The following VPS13A variants were observed in gnomAD, a reference collection of about 807,000 sequenced individuals.
VPS13A encodes vacuolar protein sorting 13 homolog A, also known as intermembrane lipid transfer protein VPS13A.
Under a neutral mutation model 390.9 loss-of-function variants are expected in VPS13A, and 264 were observed. The observed-to-expected ratio is 0.68, with a 90% CI of 0.61 to 0.75. The LOEUF is 0.75. Among genes scored for constraint, VPS13A ranks in the 30% least tolerant of loss-of-function variants. The pLI is 0.00. For synonymous variants in VPS13A, 1,231 were observed against 1,227.1 expected (o/e 1.00, Z -0.07); for missense variants, 3,409 against 3,733.9 (o/e 0.91, Z 2.27).
At chr9:77,213,155 A>G (rs1826066432) in intron 8 of VPS13A, 79 bp from the exon 9 acceptor site, 7 of 1,538,130 alleles carry the variant, frequency 4.6e-6, no homozygotes, top group Non-Finnish European at 6.3e-6. Context: ...GGCTCACTTA[A>G]TTATTTGAGA....
intron 68 of VPS13A, chr9:77,384,942 G>T: frequency 8.2e-7 from 1 of 1,214,522 alleles, no homozygotes; most frequent in South Asian, 2.3e-5. Flanking sequence ...TGCATAGTTT[G>T]TCTTTAAGAG....
At chr9:77,188,348 C>T (rs1824471381) in intron 1 of VPS13A, among the ~76,000 whole-genome samples, 1 of 152,188 alleles carries the variant, frequency 6.6e-6, no homozygotes, top group Non-Finnish European at 1.5e-5. Flanking sequence ...TTAACTCCGT[C>T]TTGTGAGAAT....
intron 35 of VPS13A, among the ~76,000 whole-genome samples, chr9:77,309,441 A>G (rs7040559): frequency 0.013 from 1,905 of 152,284 alleles, 40 homozygotes; most frequent in African/African-American, 0.044. Context: ...TGCAGGGAAT[A>G]TGTTCCAAGA....
At chr9:77,303,809 C>T (rs1208760484) in intron 34 of VPS13A, among the ~76,000 whole-genome samples, 2 of 152,174 alleles carry the variant, frequency 1.3e-5, no homozygotes, top group African/African-American at 2.4e-5. Flanking sequence ...AATAACAAAG[C>T]AGCATTACTG....
intron 31 of VPS13A, among the ~76,000 whole-genome samples, chr9:77,284,764 C>T (rs138317379): frequency 7.8e-4 from 118 of 151,764 alleles, no homozygotes; most frequent in African/African-American, 1.9e-3. Flanking sequence ...AGTGCAGTGG[C>T]GCAGTCTTGG....
At chr9:77,186,000 C>T (rs1202633882) in intron 1 of VPS13A, among the ~76,000 whole-genome samples, 3 of 152,090 alleles carry the variant, frequency 2.0e-5, no homozygotes, top group South Asian at 2.1e-4. Flanking sequence ...TGGTAATGTG[C>T]GCCTGTAGTC....
chr9:77,276,475 A>G (rs112981700), intron 26 of VPS13A, among the ~76,000 whole-genome samples: 7 of 152,240 alleles, frequency 4.6e-5, no homozygotes, highest in African/African-American at 1.7e-4. Context: ...TTAACTGAGT[A>G]TTGGAACACT....
intron 59 of VPS13A, among the ~76,000 whole-genome samples, chr9:77,363,008 A>G (rs12341776): frequency 0.13 from 19,234 of 151,920 alleles, 1,382 homozygotes; most frequent in African/African-American, 0.2. Context: ...GTTGTTCCGT[A>G]TATTCTTTTG....
At chr9:77,253,975 C>T (rs1375607708) in intron 22 of VPS13A, among the ~76,000 whole-genome samples, 3 of 117,624 alleles carry the variant, frequency 2.6e-5, no homozygotes, top group Non-Finnish European at 4.9e-5. Flanking sequence ...GACAGAGTCT[C>T]GCTGTCGCCC....
At chr9:77,344,761 G>GAA (rs375699491) in intron 51 of VPS13A, among the ~76,000 whole-genome samples, 4 of 119,334 alleles carry the variant, frequency 3.4e-5, no homozygotes, top group South Asian at 2.6e-4. Context: ...TCCGTCTCAA[G>GAA]AAAAAAAAAA....
chr9:77,421,308 T>C lies in VPS13A; in HGVS notation c.*5302T>C, dbSNP rs1297369364. On this transcript the variant is annotated 3_prime_UTR_variant, in exon 72 of 72. Transcript: ENST00000360280. Reference sequence around the variant, plus strand: ...TGTTACACAGCCTCTGCCTTGGTTTTGTGTATTCTAAGATAATTTATAAAC... The same window carrying C: ...TGTTACACAGCCTCTGCCTTGGTTTCGTGTATTCTAAGATAATTTATAAAC... The C allele has an allele frequency of 6.6e-6, 1 of 152,262 alleles. No individual in the cohort carries two copies. Among genetic ancestry groups the C allele is most frequent in the Non-Finnish European group, 1.5e-5 (1 of 68,042 alleles). The allele number at this position is 152,262 out of a possible 1,614,324, so 9.4% of individuals were successfully genotyped here. A position where few individuals can be genotyped will look rare whatever the true frequency, so the allele number is the denominator to read the frequency against.
intron 50 of VPS13A, among the ~76,000 whole-genome samples, chr9:77,342,878 A>G (rs1587623363): frequency 6.6e-6 from 1 of 152,302 alleles, no homozygotes; most frequent in East Asian, 1.9e-4. Flanking sequence ...GGATCAGCAC[A>G]AACATGGGGA....
intron 7 of VPS13A, among the ~76,000 whole-genome samples, chr9:77,211,015 A>G (rs535553272): frequency 6.6e-6 from 1 of 152,290 alleles, no homozygotes; most frequent in South Asian, 2.1e-4. Context: ...AAAAACAAAA[A>G]TCTTCAGTTT....
intron 50 of VPS13A, among the ~76,000 whole-genome samples, chr9:77,343,766 A>G (rs1218350735): frequency 2.0e-5 from 3 of 152,164 alleles, no homozygotes; most frequent in Non-Finnish European, 4.4e-5. Flanking sequence ...GATAATGTTC[A>G]TACCTGATTT....
rs761379720 is a variant in VPS13A at position 77,416,040 on chromosome 9, G to A, written c.*34G>A. Reference sequence around the variant, plus strand: ...ACTGCCTGAAGACACACAGCAATAAGTGATTACAGCTCCTAGACTACCTTC... The same window carrying A: ...ACTGCCTGAAGACACACAGCAATAAATGATTACAGCTCCTAGACTACCTTC... On this transcript the variant is annotated 3_prime_UTR_variant, in exon 72 of 72. Coordinates refer to ENST00000360280, the MANE Select transcript of VPS13A (RefSeq NM_033305.3). 1 of 1,611,586 alleles carries A rather than the reference G, an allele frequency of 6.2e-7. No homozygotes were observed. The highest frequency in any genetic ancestry group is 1.1e-5 in the South Asian group (1 of 91,028).
intron 59 of VPS13A, among the ~76,000 whole-genome samples, chr9:77,362,251 T>G (rs910216235): frequency 1.3e-5 from 2 of 152,192 alleles, no homozygotes; most frequent in Non-Finnish European, 2.9e-5. Context: ...CATGAATATC[T>G]TACGTTTTAC....
rs182592447 is a variant in VPS13A, at chr9:77,328,950, G to A, written c.5992-3060G>A. On this transcript the variant is annotated intron_variant, in intron 45 of 71. Transcript: ENST00000360280. ...TACAATCATGGCAGAAGGCAAATGGGAAGCAAGGCACTTTCTTCACAAGGC... is the reference window on the plus strand; with the variant it reads ...TACAATCATGGCAGAAGGCAAATGGAAAGCAAGGCACTTTCTTCACAAGGC... Among the ~76,000 whole-genome samples the A allele has an allele frequency of 1.8e-4, 28 of 152,322 alleles. No homozygotes were observed. The East Asian group carries it at 5.4e-3, about 29-fold the overall frequency.
chr9:77,297,362 T>C (rs1273348502), intron 33 of VPS13A, among the ~76,000 whole-genome samples: 1 of 152,122 alleles, frequency 6.6e-6, no homozygotes, highest in Non-Finnish European at 1.5e-5. Flanking sequence ...TCTCTTGGAC[T>C]CTCAGCTCTT....
chr9:77,201,470 A>G (rs1414329643), intron 3 of VPS13A, 63 bp downstream of exon 3: 5 of 1,282,098 alleles, frequency 3.9e-6, no homozygotes, highest in Non-Finnish European at 5.7e-6. Flanking sequence ...TAATTTGCCT[A>G]ATATATCTAT....
Sources: allele counts gnomAD v4.1 joint callset (sites outside exome capture counted in the v4.1 genomes callset), GRCh38; gene constraint gnomAD v4.1.1; transcripts MANE v1.5; gene names NCBI Gene and HGNC (gene_info 2026-07-23, HGNC 2026-07-21).